MRAP2: variants seen among roughly 807,000 people sequenced by gnomAD.
The protein encoded by MRAP2 is melanocortin 2 receptor accessory protein 2.
In MRAP2, 20 loss-of-function variants were observed where a neutral mutation model predicts 17.4. That is an observed-to-expected ratio of 1.15 (90% CI 0.81 to 1.67). The LOEUF (loss-of-function observed/expected upper bound fraction) is 1.67, where lower values mean the gene tolerates loss of function less well. Among genes scored for constraint, MRAP2 ranks in the 40% most tolerant of loss-of-function variants. The pLI is 0.00. For missense variants in MRAP2, 238 were observed against 240.0 expected (o/e 0.99, Z 0.05); for synonymous variants, 96 against 88.4 (o/e 1.09, Z -0.48).
At chr6:84,106,778 C>T in the MRAP2 span, among the ~76,000 whole-genome samples, 5 of 152,262 alleles carry the variant, frequency 3.3e-5, no homozygotes, top group African/African-American at 1.2e-4. Context: ...AGGCTGATCA[C>T]TTATATACCA....
At chr6:84,099,352 T>C in the MRAP2 span, among the ~76,000 whole-genome samples, 1 of 152,182 alleles carries the variant, frequency 6.6e-6, no homozygotes, top group Non-Finnish European at 1.5e-5. Context: ...CTGGACATTC[T>C]ATTCACCTGT....
At chr6:84,039,651 G>C (rs1034897163) in intron 1 of MRAP2, among the ~76,000 whole-genome samples, 2 of 152,224 alleles carry the variant, frequency 1.3e-5, no homozygotes, top group Non-Finnish European at 2.9e-5. Flanking sequence ...GAGAACGTTA[G>C]TAAAATTTCA....
At chr6:84,108,346 G>A in the MRAP2 span, among the ~76,000 whole-genome samples, 1 of 151,746 alleles carries the variant, frequency 6.6e-6, no homozygotes, top group Non-Finnish European at 1.5e-5. Context: ...ATCTGTTGTT[G>A]TTTCACTTTA....
At chr6:84,139,267 C>T in the MRAP2 span, among the ~76,000 whole-genome samples, 3 of 152,176 alleles carry the variant, frequency 2.0e-5, no homozygotes, top group Admixed American at 2.0e-4. Flanking sequence ...TACATTCCCA[C>T]AGTTTCCCAC....
At chr6:84,034,022 GGGA>G (rs2099485278) in intron 1 of MRAP2, 139 bp downstream of exon 1, 2 of 638,186 alleles carry the variant, frequency 3.1e-6, no homozygotes, top group Non-Finnish European at 3.9e-6. Flanking sequence ...AGAATGGGGT[GGGA>G]GGAGGAGAAT....
intron 3 of MRAP2, among the ~76,000 whole-genome samples, chr6:84,064,691 G>A (rs956168032): frequency 2.0e-5 from 3 of 152,184 alleles, no homozygotes; most frequent in Non-Finnish European, 4.4e-5. Context: ...GTTTCACCAT[G>A]TTAGCCAGGA....
rs1226288068 is a variant in MRAP2, at chr6:84,089,531, T to G, written c.*50T>G. On this transcript the variant is annotated 3_prime_UTR_variant, in exon 4 of 4. Coordinates refer to ENST00000257776, the MANE Select transcript of MRAP2 (RefSeq NM_138409.4). The stretch of plus-strand genomic sequence containing the variant: ...CCTGAAGATGTGGATTCTATCTTTA[T>G]GTAGCAAGAAATCTACATCCACCAA... 1.9e-6 allele frequency: 3 copies of G among 1,556,216 alleles called. No homozygotes were observed. Among genetic ancestry groups the G allele is most frequent in the Non-Finnish European group, 2.6e-6 (3 of 1,150,440 alleles).
intron 3 of MRAP2, among the ~76,000 whole-genome samples, chr6:84,087,226 A>G (rs773769599): frequency 6.6e-6 from 1 of 152,170 alleles, no homozygotes; most frequent in East Asian, 1.9e-4. Flanking sequence ...TAAGATGAAC[A>G]TTGGTTCAGT....
chr6:84,099,843 ATCT>A, the MRAP2 span, among the ~76,000 whole-genome samples: 4 of 151,694 alleles, frequency 2.6e-5, no homozygotes, highest in Non-Finnish European at 5.9e-5. Flanking sequence ...GATAGTGTAT[ATCT>A]TCTTCTTCTC....
chr6:84,128,757 T>C, the MRAP2 span, among the ~76,000 whole-genome samples: 1 of 152,108 alleles, frequency 6.6e-6, no homozygotes, highest in African/African-American at 2.4e-5. Flanking sequence ...GTTTGTTACA[T>C]AGGTATACAC....
At chr6:84,047,187 A>G (rs1343856566) in intron 1 of MRAP2, among the ~76,000 whole-genome samples, 1 of 151,756 alleles carries the variant, frequency 6.6e-6, no homozygotes, top group Non-Finnish European at 1.5e-5. Context: ...GTATTATTTA[A>G]TTAATTAATT....
the MRAP2 span, chr6:84,124,575 T>C: frequency 1.8e-5 from 3 of 170,750 alleles, no homozygotes; most frequent in Admixed American, 1.9e-4. Flanking sequence ...GGGACTCCAA[T>C]AGGGGAAAGA....
chr6:84,076,466 C>T (rs1291639246), intron 3 of MRAP2, among the ~76,000 whole-genome samples: 1 of 152,078 alleles, frequency 6.6e-6, no homozygotes, highest in African/African-American at 2.4e-5. Context: ...TCAGGTGATC[C>T]ACCTACCTCT....
At chr6:84,135,435 G>T in the MRAP2 span, among the ~76,000 whole-genome samples, 66 of 152,306 alleles carry the variant, frequency 4.3e-4, no homozygotes, top group Middle Eastern at 0.017. Flanking sequence ...CAAACAATCT[G>T]TGCGTAGCCC....
intron 3 of MRAP2, among the ~76,000 whole-genome samples, chr6:84,068,128 G>C (rs9449767): frequency 8.6e-5 from 13 of 151,938 alleles, no homozygotes; most frequent in Non-Finnish European, 1.9e-4. Flanking sequence ...TTATCCCAGC[G>C]CCATTTGTTC....
chr6:84,045,333 C>A, intron 1 of MRAP2: 1 of 985,412 alleles, frequency 1.0e-6, no homozygotes, highest in Non-Finnish European at 1.2e-6. Context: ...AGATCCAAAT[C>A]TGCACTGAAA....
downstream of MRAP2, among the ~76,000 whole-genome samples, chr6:84,091,447 G>T (rs1460050645): frequency 6.6e-6 from 1 of 151,974 alleles, no homozygotes; most frequent in Non-Finnish European, 1.5e-5. Flanking sequence ...GGCCAGGCTG[G>T]TCTCGAACTC....
chr6:84,085,346 G>A (rs1464779210), intron 3 of MRAP2, among the ~76,000 whole-genome samples: 8 of 152,198 alleles, frequency 5.3e-5, no homozygotes, highest in East Asian at 3.9e-4. Context: ...GAGACACCGC[G>A]CCCGGCCCCT....
rs542584585 is a variant in MRAP2, at chr6:84,036,237, G to A, written c.-8+2354G>A. Among the ~76,000 whole-genome samples the A allele has an allele frequency of 2.6e-5, 4 of 151,992 alleles. No individual in the cohort carries two copies. The East Asian group carries it at 7.7e-4, about 29-fold the overall frequency. On this transcript the variant is annotated intron_variant, in intron 1 of 3. Coordinates refer to ENST00000257776, the MANE Select transcript of MRAP2 (RefSeq NM_138409.4). ...CTTGAACCCACTGGTTACTTCAAGA[G>A]TATGAGGGTTCATCATGCAAAGGAA...
Sources: gnomAD v4.1 joint callset for allele counts (sites outside exome capture counted in the v4.1 genomes callset) on GRCh38, gnomAD v4.1.1 for gene constraint, MANE v1.5 for transcripts, NCBI Gene and HGNC (gene_info 2026-07-23, HGNC 2026-07-21) for gene names.